Variants in EPB41L4B observed in about 807,000 individuals in gnomAD.
The protein encoded by EPB41L4B is band 4.1-like protein 4B.
In EPB41L4B, 30 loss-of-function variants were observed where a neutral mutation model predicts 112.5. The observed-to-expected ratio is 0.27, with a 90% CI of 0.20 to 0.36. The LOEUF (loss-of-function observed/expected upper bound fraction) is 0.36. Among genes scored for constraint, EPB41L4B ranks in the 10% least tolerant of loss-of-function variants. The probability of loss-of-function intolerance (pLI) is 1.00; values close to 1 mark genes in which losing one functional copy is unlikely to be tolerated. For missense variants in EPB41L4B, 1,024 were observed against 1,133.3 expected (o/e 0.90, Z 1.38); for synonymous variants, 408 against 439.7 (o/e 0.93, Z 0.90).
chr9:109,315,942 TA>T lies in EPB41L4B; in HGVS notation c.306+4198del, dbSNP rs1026358761. Among the ~76,000 whole-genome samples the T allele has an allele frequency of 2.8e-4, 42 of 152,100 alleles. 1 individual carries two copies. Among genetic ancestry groups the T allele is most frequent in the Admixed American group, 2.6e-3 (40 of 15,280 alleles). ...CTGCCTGGCACAGCATTTTTTTTTT[TA>T]ATGTCTATTACTAGAAACTTCTTCA... On this transcript the variant is annotated intron_variant, in intron 1 of 25. Transcript: ENST00000374566.
intron 1 of EPB41L4B, among the ~76,000 whole-genome samples, chr9:109,319,903 C>T (rs759354015): frequency 6.6e-6 from 1 of 152,076 alleles, no homozygotes; most frequent in Non-Finnish European, 1.5e-5. Context: ...CCAGAGAAAT[C>T]GCAACCCCGC....
At chr9:109,235,412 T>C (rs989556618) in intron 15 of EPB41L4B, among the ~76,000 whole-genome samples, 5 of 148,470 alleles carry the variant, frequency 3.4e-5, no homozygotes, top group African/African-American at 1.2e-4. Context: ...TTTTTTTTTT[T>C]TTAGATAGAG....
chr9:109,178,902 TAAAAAAAAA>T (rs10625718), intron 24 of EPB41L4B, among the ~76,000 whole-genome samples: 1 of 105,140 alleles, frequency 9.5e-6, no homozygotes, highest in Admixed American at 1.1e-4. Context: ...ATACTTCAAG[TAAAAAAAAA>T]AAAAAAAAGC....
chr9:109,280,481 G>A (rs1835991735), intron 1 of EPB41L4B, among the ~76,000 whole-genome samples: 1 of 152,192 alleles, frequency 6.6e-6, no homozygotes, highest in Non-Finnish European at 1.5e-5. Flanking sequence ...TACACATGGG[G>A]CATGAGCACA....
At chr9:109,319,351 C>T (rs1258583534) in intron 1 of EPB41L4B, among the ~76,000 whole-genome samples, 2 of 152,246 alleles carry the variant, frequency 1.3e-5, no homozygotes, top group South Asian at 2.1e-4. Context: ...TGAGGTGCCC[C>T]GCCGACCCCA....
chr9:109,280,957 T>A (rs1250346251), intron 1 of EPB41L4B, among the ~76,000 whole-genome samples: 1 of 151,944 alleles, frequency 6.6e-6, no homozygotes, highest in Non-Finnish European at 1.5e-5. Context: ...AAAAATTAAT[T>A]CAAAGTGCAT....
intron 3 of EPB41L4B, 101 bp downstream of exon 3, chr9:109,268,290 T>C (rs1835480000): frequency 1.8e-6 from 2 of 1,086,080 alleles, no homozygotes; most frequent in Non-Finnish European, 1.3e-6. Flanking sequence ...ATTTTTAAAA[T>C]GCTTCCAAGT....
chr9:109,218,396 G>T (rs141961956), intron 15 of EPB41L4B, among the ~76,000 whole-genome samples: 11,641 of 152,072 alleles, frequency 0.077, 566 homozygotes, highest in East Asian at 0.11. Context: ...AAAGTGCTGG[G>T]ATTACAGGCA....
intron 15 of EPB41L4B, chr9:109,241,109 T>A (rs1289965577): frequency 1.0e-6 from 1 of 985,532 alleles, no homozygotes; most frequent in Non-Finnish European, 1.2e-6. Flanking sequence ...TTAGTTTGAA[T>A]GTATGTCCTC....
At position 109,303,426 on chromosome 9, in the gene EPB41L4B, A is replaced by G. The variant is rs571043136; in HGVS notation, c.306+16715T>C. Among the ~76,000 whole-genome samples, 12 of 151,950 alleles carry G rather than the reference A, an allele frequency of 7.9e-5. No individual in the cohort carries two copies. In the South Asian group the frequency reaches 2.5e-3, roughly 32 times the overall value. On this transcript the variant is annotated intron_variant, in intron 1 of 25. Transcript: ENST00000374566. ...AGTGGCGCGATCTCGACTCACTGCA[A>G]CCTCCACCTCCCAGACTCAAGCAAT... is the stretch of plus-strand genomic sequence containing the variant.
At chr9:109,303,112 A>G (rs1011261319) in intron 1 of EPB41L4B, among the ~76,000 whole-genome samples, 5 of 151,702 alleles carry the variant, frequency 3.3e-5, no homozygotes, top group African/African-American at 1.2e-4. Context: ...AGAAAAGAAA[A>G]AAAGGGGTAA....
chr9:109,311,912 C>T lies in EPB41L4B; in HGVS notation c.306+8229G>A, dbSNP rs556915728. Among the ~76,000 whole-genome samples the T allele has an allele frequency of 2.0e-4, 30 of 152,284 alleles. 2 individuals carry two copies. The South Asian group carries it at 5.2e-3, about 26-fold the overall frequency. On this transcript the variant is annotated intron_variant, in intron 1 of 25. Coordinates refer to ENST00000374566, the MANE Select transcript of EPB41L4B (RefSeq NM_019114.5). ...TGATAACGTGCACCTTCCCAGGCGGCAGTGATTAAGGGAAGCAACACAGAT... is the reference window on the plus strand; with the variant it reads ...TGATAACGTGCACCTTCCCAGGCGGTAGTGATTAAGGGAAGCAACACAGAT...
chr9:109,290,376 A>G (rs1429915813), intron 1 of EPB41L4B, among the ~76,000 whole-genome samples: 1 of 152,198 alleles, frequency 6.6e-6, no homozygotes. Flanking sequence ...GCTCTTTGTC[A>G]GATGCTTAAT....
In EPB41L4B at chr9:109,182,744, T is replaced by C; in HGVS notation, c.2472A>G (p.Thr824=). The change falls in exon 24 of 26, where the codon ACA becomes ACG. Residue 824 remains threonine (T), a synonymous_variant. Transcript: ENST00000374566. ...TMNPFPDTFT[T]GPQFTADFRD... is the part of the protein sequence containing the mutation. ...ATCTACTTACAGTAAACTGTGGCCC[T>C]GTGGTGAAAGTATCAGGAAACGGGT... The C allele has an allele frequency of 6.2e-7, 1 of 1,612,166 alleles. No individual in the cohort carries two copies. Among genetic ancestry groups the C allele is most frequent in the Non-Finnish European group, 8.5e-7 (1 of 1,178,192 alleles).
In EPB41L4B at chr9:109,263,157, C is replaced by G. The variant is rs185074972; in HGVS notation, c.579-55G>C. The G allele has an allele frequency of 3.6e-6, 4 of 1,105,012 alleles. No individual in the cohort carries two copies. The Admixed American group carries it at 8.4e-5, about 23-fold the overall frequency. The allele number at this position is 1,105,012 out of a possible 1,614,324, so 68.5% of individuals were successfully genotyped here. ...AAATAGGAACTTAAGTACAACCATA[C>G]AAAATGTCATTAAAATCATTTTTCA... On this transcript the variant is annotated intron_variant, in intron 5 of 25. Coordinates refer to ENST00000374566, the MANE Select transcript of EPB41L4B (RefSeq NM_019114.5).
At chr9:109,270,194 G>A (rs1835560389) in intron 2 of EPB41L4B, among the ~76,000 whole-genome samples, 2 of 152,064 alleles carry the variant, frequency 1.3e-5, no homozygotes, top group African/African-American at 4.8e-5. Flanking sequence ...ATGTAGGCCT[G>A]TATTTATTGA....
At chr9:109,250,080 G>A (rs1238855852) in intron 13 of EPB41L4B, among the ~76,000 whole-genome samples, 21 of 152,156 alleles carry the variant, frequency 1.4e-4, no homozygotes, top group African/African-American at 9.7e-5. Context: ...GGCTTCATCC[G>A]GAGGACCTCC....
intron 1 of EPB41L4B, among the ~76,000 whole-genome samples, chr9:109,293,721 CAT>C (rs1836626612): frequency 3.4e-5 from 4 of 119,038 alleles, no homozygotes; most frequent in African/African-American, 9.8e-5. Context: ...AAAAAAAAAA[CAT>C]AAACTAAAAA....
intron 21 of EPB41L4B, among the ~76,000 whole-genome samples, chr9:109,193,057 C>T (rs374351504): frequency 1.3e-5 from 2 of 152,172 alleles, no homozygotes; most frequent in Non-Finnish European, 2.9e-5. Context: ...GTGATAGGAG[C>T]CTGGGTCCAC....
Sources: allele counts gnomAD v4.1 joint callset (sites outside exome capture counted in the v4.1 genomes callset), GRCh38; gene constraint gnomAD v4.1.1; transcripts MANE v1.5; gene names NCBI Gene and HGNC (gene_info 2026-07-23, HGNC 2026-07-21).